Variants in DNAJC16 observed in about 807,000 individuals in gnomAD.
DNAJC16 encodes DnaJ heat shock protein family (Hsp40) member C16.
A neutral mutation model predicts 92.7 loss-of-function variants in DNAJC16; 76 were observed. The ratio of observed to expected loss-of-function variants is 0.82; its 90% CI spans 0.68 to 0.99. The LOEUF (loss-of-function observed/expected upper bound fraction) is 0.99, where lower values mean the gene tolerates loss of function less well. Among genes scored for constraint, DNAJC16 ranks in the 50% least tolerant of loss-of-function variants. The pLI, the probability that DNAJC16 is intolerant of heterozygous loss-of-function variation, is 0.00. For missense variants in DNAJC16, 869 were observed against 942.4 expected, an observed-to-expected ratio of 0.92 and a Z score of 1.02; for synonymous variants, 328 against 358.7, an observed-to-expected ratio of 0.91 and a Z score of 0.97.
intron 7 of DNAJC16, 34 bp downstream of exon 7, chr1:15,548,462 C>A (rs1344126513): frequency 1.3e-6 from 2 of 1,568,078 alleles, no homozygotes; most frequent in Admixed American, 3.6e-5. Context: ...AGATTTTCTT[C>A]ACATTTTATC....
chr1:15,544,898 C>T (rs184075632), intron 5 of DNAJC16, among the ~76,000 whole-genome samples: 1,670 of 143,552 alleles, frequency 0.012, 16 homozygotes, highest in Non-Finnish European at 0.019. Flanking sequence ...AAAATTAAAT[C>T]ACATGTTAGA....
Position 15,566,071 on chromosome 1 carries a change from T to C in DNAJC16, c.1680-11T>C. 6.2e-7 allele frequency: 1 copy of C among 1,613,074 alleles called. No homozygotes were observed. Among genetic ancestry groups the C allele is most frequent in the Non-Finnish European group, 8.5e-7 (1 of 1,179,794 alleles). The stretch of plus-strand genomic sequence containing the variant: ...CACTTTTTTTGTAAAACTCCTTTTT[T>C]CTTACTTTAGCGACTCTAATGATGA... On this transcript the variant is annotated splice_polypyrimidine_tract_variant and intron_variant, in intron 12 of 14. Coordinates refer to ENST00000375847, the MANE Select transcript of DNAJC16 (RefSeq NM_015291.4).
chr1:15,548,672 A>G (rs1213892791), intron 7 of DNAJC16, among the ~76,000 whole-genome samples: 5 of 152,302 alleles, frequency 3.3e-5, no homozygotes. Context: ...TTTTTCCAAA[A>G]TGAATTTAAA....
intron 7 of DNAJC16, among the ~76,000 whole-genome samples, chr1:15,555,759 G>T (rs1211455986): frequency 6.7e-6 from 1 of 150,288 alleles, no homozygotes; most frequent in Non-Finnish European, 1.5e-5. Flanking sequence ...AGGCCAAGTC[G>T]GGTGGATCAG....
chr1:15,539,266 G>C (rs1442546397), intron 4 of DNAJC16, among the ~76,000 whole-genome samples: 3 of 149,436 alleles, frequency 2.0e-5, no homozygotes, highest in Admixed American at 1.3e-4. Context: ...ATTTTTTTGA[G>C]ACGGAGGCTC....
intron 11 of DNAJC16, 162 bp from the exon 12 acceptor site, chr1:15,565,757 C>G (rs1638791785): frequency 2.9e-6 from 2 of 686,532 alleles, no homozygotes; most frequent in South Asian, 3.6e-5. Context: ...TCTCTACCTT[C>G]CCCTCCACCA....
At chr1:15,535,912 G>A (rs1018080778) in intron 3 of DNAJC16, among the ~76,000 whole-genome samples, 4 of 150,314 alleles carry the variant, frequency 2.7e-5, no homozygotes, top group Non-Finnish European at 5.9e-5. Context: ...CTATAGGCAC[G>A]CACCACCATG....
Position 15,567,834 on chromosome 1 carries a change from A to G in DNAJC16, c.2006A>G (p.Glu669Gly). 6.2e-7 allele frequency: 1 copy of G among 1,614,158 alleles called. No individual in the cohort carries two copies. The highest frequency in any genetic ancestry group is 8.5e-7 in the Non-Finnish European group (1 of 1,179,990). ...LSLDKHREWLEYLLEFAQDAA... is the reference protein window; with the variant it reads ...LSLDKHREWLGYLLEFAQDAA... ...CTAGATAAACACAGAGAATGGCTAG[A>G]ATACTTACTAGAATTTGCTCAAGAT... The change falls in exon 15 of 15, where the codon GAA becomes GGA. Residue 669 changes from glutamate (E) to glycine (G), a missense_variant. Glu to Gly is a moderately conservative substitution (Grantham distance 98, BLOSUM62 -2). Coordinates refer to ENST00000375847, the MANE Select transcript of DNAJC16 (RefSeq NM_015291.4).
intron 13 of DNAJC16, chr1:15,566,462 A>G: frequency 2.5e-6 from 1 of 404,780 alleles, no homozygotes; most frequent in Non-Finnish European, 4.5e-6. Flanking sequence ...TGTAAATGTC[A>G]ATGAACGTAA....
chr1:15,528,203 C>T (rs1467756804), intron 1 of DNAJC16, among the ~76,000 whole-genome samples: 4 of 152,166 alleles, frequency 2.6e-5, no homozygotes, highest in African/African-American at 9.7e-5. Flanking sequence ...GAGGCCGAGG[C>T]GGGTGGATCA....
chr1:15,567,204 C>T lies in DNAJC16; in HGVS notation c.1884C>T (p.Ile628=), dbSNP rs1003911565. Reference sequence around the variant, plus strand: ...CAGGCCACATGAATGTGGTCCTCATCCTGTCGAATTCTACCAAGACCAGCC... The same window carrying T: ...CAGGCCACATGAATGTGGTCCTCATTCTGTCGAATTCTACCAAGACCAGCC... ...LRPGHMNVVL[I]LSNSTKTSLL... The change falls in exon 14 of 15, where the codon ATC becomes ATT. Residue 628 remains isoleucine (I), a synonymous_variant. Coordinates refer to ENST00000375847, the MANE Select transcript of DNAJC16 (RefSeq NM_015291.4). 6.2e-7 allele frequency: 1 copy of T among 1,614,172 alleles called. No homozygotes were observed. The highest frequency in any genetic ancestry group is 8.5e-7 in the Non-Finnish European group (1 of 1,180,010).
intron 4 of DNAJC16, among the ~76,000 whole-genome samples, chr1:15,539,406 C>T (rs930972815): frequency 6.6e-6 from 1 of 151,614 alleles, no homozygotes; most frequent in African/African-American, 2.4e-5. Flanking sequence ...TCACCACGCC[C>T]GGCTAATTTT....
At position 15,569,055 on chromosome 1, in the gene DNAJC16, C is replaced by T. The variant is rs41301997; in HGVS notation, c.*878C>T. The T allele has an allele frequency of 9.8e-3, 1,916 of 195,876 alleles. 11 individuals carry two copies. Among genetic ancestry groups the T allele is most frequent in the Non-Finnish European group, 0.015 (1,458 of 97,024 alleles). 12.1% of individuals were successfully genotyped at this position (195,876 alleles called of 1,614,324 possible). A position where few individuals can be genotyped will look rare whatever the true frequency, so the allele number is the denominator to read the frequency against. ...ATAACTTGTAATCTTGTTCTCTGAA[C>T]GTAGAGATAAGCTGCTATAAAGCCA... On this transcript the variant is annotated 3_prime_UTR_variant, in exon 15 of 15. Transcript: ENST00000375847.
chr1:15,550,122 G>A (rs139726163), intron 7 of DNAJC16, among the ~76,000 whole-genome samples: 13 of 152,280 alleles, frequency 8.5e-5, no homozygotes, highest in South Asian at 4.1e-4. Context: ...AACAGCCACC[G>A]GCACACAAGA....
chr1:15,549,817 CAAAAAAAAAAAA>C (rs777127254), intron 7 of DNAJC16, among the ~76,000 whole-genome samples: 20 of 56,346 alleles, frequency 3.5e-4, no homozygotes, highest in Admixed American at 2.1e-3. Context: ...GACTCCGTCT[CAAAAAAAAAAAA>C]AAAAAAAAAG....
chr1:15,528,103 T>A (rs1438451769), intron 1 of DNAJC16, among the ~76,000 whole-genome samples: 1 of 152,244 alleles, frequency 6.6e-6, no homozygotes, highest in Non-Finnish European at 1.5e-5. Context: ...ACTAAATTTT[T>A]TCTTGCCGCT....
At chr1:15,550,547 G>T (rs1478496864) in intron 7 of DNAJC16, among the ~76,000 whole-genome samples, 1 of 152,122 alleles carries the variant, frequency 6.6e-6, no homozygotes, top group Admixed American at 6.5e-5. Context: ...GTGGACATTG[G>T]GGGCTTTGAG....
At chr1:15,527,160 C>A (rs899410023) in intron 1 of DNAJC16, among the ~76,000 whole-genome samples, 3 of 152,154 alleles carry the variant, frequency 2.0e-5, no homozygotes, top group Non-Finnish European at 4.4e-5. Context: ...CCGGCAGGAG[C>A]GCGAGGCGGG....
rs562716013 is a variant in DNAJC16 at position 15,538,752 on chromosome 1, G to A, written c.574+1938G>A. On this transcript the variant is annotated intron_variant, in intron 4 of 14. Transcript: ENST00000375847. ...AAAAAGACTAATTCCTATCTTTTAA[G>A]GATTTCTAAGTATATAAGAGTCTCA... 1.4e-3 allele frequency among the ~76,000 whole-genome samples: 215 copies of A among 152,240 alleles called. 1 individual carries two copies. Among genetic ancestry groups the A allele is most frequent in the African/African-American group, 5.0e-3 (208 of 41,546 alleles).
Sources: gnomAD v4.1 joint callset for allele counts (sites outside exome capture counted in the v4.1 genomes callset) on GRCh38, gnomAD v4.1.1 for gene constraint, MANE v1.5 for transcripts, NCBI Gene and HGNC (gene_info 2026-07-23, HGNC 2026-07-21) for gene names.